The following NETO2 variants were observed in gnomAD, a reference collection of about 807,000 sequenced individuals.
The protein encoded by NETO2 is neuropilin and tolloid like 2.
A neutral mutation model predicts 62.5 loss-of-function variants in NETO2; 28 were observed. The ratio of observed to expected loss-of-function variants is 0.45; its 90% CI spans 0.33 to 0.61. NETO2 has a LOEUF of 0.61. Among genes scored for constraint, NETO2 ranks in the 20% least tolerant of loss-of-function variants. NETO2 has a pLI of 0.02. For synonymous variants in NETO2, 214 were observed against 219.1 expected (o/e 0.98, Z 0.21); for missense variants, 548 against 643.2 (o/e 0.85, Z 1.60).
At chr16:47,142,151 T>TA (rs1396050111) in intron 1 of NETO2, among the ~76,000 whole-genome samples, 2 of 151,850 alleles carry the variant, frequency 1.3e-5, no homozygotes, top group Admixed American at 1.3e-4. Context: ...CACGAAAGAG[T>TA]AAAAACATTC....
rs1419266461 is a variant in NETO2 at position 47,143,820 on chromosome 16, C to G, written c.-208G>C. 12 of 540,526 alleles carry G rather than the reference C, an allele frequency of 2.2e-5. No homozygotes were observed. Among genetic ancestry groups the G allele is most frequent in the Non-Finnish European group, 3.2e-5 (12 of 376,080 alleles). The allele number at this position is 540,526 out of a possible 1,614,324, so 33.5% of individuals were successfully genotyped here. A position where few individuals can be genotyped will look rare whatever the true frequency, so the allele number is the denominator to read the frequency against. ...CTCCCGCGCGGCCCGAGCACCCCGA[C>G]GGGCGCCGCCTCCTGCTCCGCGGCG... is the stretch of plus-strand genomic sequence containing the variant. On this transcript the variant is annotated 5_prime_UTR_variant, in exon 1 of 9. Coordinates refer to ENST00000562435, the MANE Select transcript of NETO2 (RefSeq NM_018092.5).
intron 3 of NETO2, 122 bp downstream of exon 3, chr16:47,129,102 A>T: frequency 1.1e-6 from 1 of 881,924 alleles, no homozygotes; most frequent in Non-Finnish European, 1.8e-6. Flanking sequence ...TATCATTACT[A>T]CAGTTTAATT....
At chr16:47,112,742 T>G (rs1963826660) in intron 6 of NETO2, among the ~76,000 whole-genome samples, 1 of 152,234 alleles carries the variant, frequency 6.6e-6, no homozygotes, top group African/African-American at 2.4e-5. Flanking sequence ...GTTTAACTGA[T>G]TTACTTTTAT....
intron 7 of NETO2, among the ~76,000 whole-genome samples, chr16:47,090,272 A>G (rs1963285078): frequency 6.6e-6 from 1 of 152,228 alleles, no homozygotes; most frequent in Admixed American, 6.5e-5. Flanking sequence ...ATTAGAAAAC[A>G]GCACTGATAT....
intron 6 of NETO2, among the ~76,000 whole-genome samples, chr16:47,118,923 T>G (rs903069381): frequency 3.3e-5 from 5 of 152,168 alleles, no homozygotes; most frequent in African/African-American, 1.2e-4. Flanking sequence ...TCCCTCCATT[T>G]ATAGTTTGTT....
chr16:47,143,004 GC>G (rs1567404261), intron 1 of NETO2, among the ~76,000 whole-genome samples: 1 of 151,744 alleles, frequency 6.6e-6, no homozygotes, highest in African/African-American at 2.4e-5. Context: ...CCCGCGCGCC[GC>G]CCCCGGAGCC....
chr16:47,140,957 T>C (rs1353182343), intron 1 of NETO2, among the ~76,000 whole-genome samples: 2 of 152,216 alleles, frequency 1.3e-5, no homozygotes, highest in Admixed American at 1.3e-4. Context: ...CCTCATGTAA[T>C]ATTTTCATGA....
At chr16:47,089,195 G>T (rs922137562) in intron 7 of NETO2, among the ~76,000 whole-genome samples, 56 of 152,180 alleles carry the variant, frequency 3.7e-4, no homozygotes, top group African/African-American at 1.3e-3. Flanking sequence ...GTACTCAGCG[G>T]CTGCAGTTCA....
intron 8 of NETO2, among the ~76,000 whole-genome samples, chr16:47,084,817 T>C (rs1298863526): frequency 2.0e-5 from 3 of 152,198 alleles, no homozygotes; most frequent in East Asian, 3.8e-4. Flanking sequence ...GATGGGACTG[T>C]CTAGTTGAAG....
At chr16:47,102,979 G>A (rs1963588158) in intron 7 of NETO2, among the ~76,000 whole-genome samples, 1 of 152,016 alleles carries the variant, frequency 6.6e-6, no homozygotes, top group Non-Finnish European at 1.5e-5. Context: ...TGCTATAAAG[G>A]CACATGCACA....
chr16:47,098,600 C>T (rs1165972923), intron 7 of NETO2, among the ~76,000 whole-genome samples: 1 of 152,200 alleles, frequency 6.6e-6, no homozygotes, highest in African/African-American at 2.4e-5. Context: ...GTGGAAAACA[C>T]TCTTCAGGAT....
At chr16:47,130,814 A>C (rs1964250306) in intron 2 of NETO2, among the ~76,000 whole-genome samples, 1 of 152,142 alleles carries the variant, frequency 6.6e-6, no homozygotes, top group Non-Finnish European at 1.5e-5. Flanking sequence ...AGAAGAGTTG[A>C]GGAATTTGAA....
chr16:47,102,862 A>G (rs1243250854), intron 7 of NETO2, among the ~76,000 whole-genome samples: 2 of 152,170 alleles, frequency 1.3e-5, no homozygotes, highest in Non-Finnish European at 2.9e-5. Context: ...AATTAGTTCA[A>G]CCATCGTAGA....
Position 47,109,594 on chromosome 16 carries a change from T to A in NETO2, c.772A>T (p.Thr258Ser), listed in dbSNP as rs763461793. 2 of 1,614,146 alleles carry A rather than the reference T, an allele frequency of 1.2e-6. No homozygotes were observed. The highest frequency in any genetic ancestry group is 1.1e-5 in the South Asian group (1 of 91,080). ...TTAAGCATTACATCATTGGCCACAGTGCTGCAAAACTTGGCCTTCAGGTTT... is the reference window on the plus strand; with the variant it reads ...TTAAGCATTACATCATTGGCCACAGAGCTGCAAAACTTGGCCTTCAGGTTT... ...IENLKAKFCS[T>S]VANDVMLKTG... Residue 258 changes from threonine to serine, a missense_variant, in exon 7 of 9, where the codon ACT becomes TCT. By Grantham distance (58) the Thr-to-Ser change is moderately conservative. Transcript: ENST00000562435.
At chr16:47,121,707 A>G (rs765407193) in intron 6 of NETO2, among the ~76,000 whole-genome samples, 2 of 152,184 alleles carry the variant, frequency 1.3e-5, no homozygotes, top group African/African-American at 4.8e-5. Flanking sequence ...TTCTTTTCTC[A>G]GTATGGGAAT....
At chr16:47,085,380 CTT>C (rs113927407) in intron 8 of NETO2, among the ~76,000 whole-genome samples, 3 of 145,862 alleles carry the variant, frequency 2.1e-5, no homozygotes, top group Non-Finnish European at 3.0e-5. Context: ...CCACGATATA[CTT>C]TTTTTTTTTT....
In NETO2 at chr16:47,082,161, G is replaced by A. The variant is rs939774380; in HGVS notation, c.*1060C>T. The stretch of plus-strand genomic sequence containing the variant: ...TGCAGTTTAAAAAAAAGTGGAAGTT[G>A]TTATTCTTGATAAGAGCTAGAAAAA... On this transcript the variant is annotated 3_prime_UTR_variant, in exon 9 of 9. Transcript: ENST00000562435. 6.6e-6 allele frequency: 1 copy of A among 152,602 alleles called. No homozygotes were observed. The highest frequency in any genetic ancestry group is 1.5e-5 in the Non-Finnish European group (1 of 67,998). The allele number at this position is 152,602 out of a possible 1,614,324, so 9.5% of individuals were successfully genotyped here. A position where few individuals can be genotyped will look rare whatever the true frequency, so the allele number is the denominator to read the frequency against.
At chr16:47,104,842 C>A (rs1204395510) in intron 7 of NETO2, among the ~76,000 whole-genome samples, 1 of 152,120 alleles carries the variant, frequency 6.6e-6, no homozygotes, top group East Asian at 1.9e-4. Context: ...GCCTCAGCCT[C>A]CTGAGAAGCT....
At chr16:47,094,627 G>A (rs540087014) in intron 7 of NETO2, among the ~76,000 whole-genome samples, 4 of 152,048 alleles carry the variant, frequency 2.6e-5, no homozygotes, top group Admixed American at 1.3e-4. Flanking sequence ...GGGTTTCACC[G>A]TGTTAGCCAG....
Sources: allele counts gnomAD v4.1 joint callset (sites outside exome capture counted in the v4.1 genomes callset), GRCh38; gene constraint gnomAD v4.1.1; transcripts MANE v1.5; gene names NCBI Gene and HGNC (gene_info 2026-07-23, HGNC 2026-07-21).